ELAVL2: variants seen among roughly 807,000 people sequenced by gnomAD.
ELAVL2 encodes the protein ELAV like RNA binding protein 2.
A neutral mutation model predicts 34.6 loss-of-function variants in ELAVL2; 4 were observed. The observed-to-expected ratio is 0.12, with a 90% CI of 0.06 to 0.26. The LOEUF (loss-of-function observed/expected upper bound fraction) is 0.26, where lower values mean the gene tolerates loss of function less well. Ranked by LOEUF, ELAVL2 falls within the 10% of genes least tolerant of loss-of-function variation. ELAVL2 has a pLI of 1.00. For missense variants in ELAVL2, 432 were observed against 442.8 expected, an observed-to-expected ratio of 0.98 and a Z score of 0.22; for synonymous variants, 193 against 154.8, an observed-to-expected ratio of 1.25 and a Z score of -1.83.
At chr9:23,739,172 C>T (rs2135067548) in intron 2 of ELAVL2, among the ~76,000 whole-genome samples, 2 of 152,270 alleles carry the variant, frequency 1.3e-5, no homozygotes, top group South Asian at 4.1e-4. Context: ...ACCAATTCCT[C>T]TACAACCCAC....
At chr9:23,712,964 T>C (rs2041374831) in intron 3 of ELAVL2, among the ~76,000 whole-genome samples, 1 of 152,220 alleles carries the variant, frequency 6.6e-6, no homozygotes. Context: ...ACTTCACAAA[T>C]TAGACCACCT....
intron 3 of ELAVL2, among the ~76,000 whole-genome samples, chr9:23,728,615 G>A (rs781067724): frequency 1.8e-4 from 27 of 152,112 alleles, no homozygotes; most frequent in African/African-American, 2.6e-4. Context: ...TAGATTAGAC[G>A]AGGGAAAAAG....
intron 1 of ELAVL2, among the ~76,000 whole-genome samples, chr9:23,811,200 A>T (rs180984262): frequency 5.0e-4 from 76 of 152,160 alleles, no homozygotes; most frequent in East Asian, 4.8e-3. Context: ...TTGGGAAAAA[A>T]TTTTTTCAAA....
intron 3 of ELAVL2, among the ~76,000 whole-genome samples, chr9:23,711,469 C>A (rs1221343759): frequency 6.6e-6 from 1 of 152,144 alleles, no homozygotes; most frequent in East Asian, 1.9e-4. Flanking sequence ...ATGGTCAGAG[C>A]ACTGGCTACC....
At chr9:23,747,103 G>T (rs1391189122) in intron 2 of ELAVL2, among the ~76,000 whole-genome samples, 1 of 151,566 alleles carries the variant, frequency 6.6e-6, no homozygotes, top group East Asian at 1.9e-4. Flanking sequence ...GGGGTTACAA[G>T]ACCCTCAGTG....
chr9:23,819,645 A>G (rs778047283), intron 1 of ELAVL2, among the ~76,000 whole-genome samples: 23 of 152,210 alleles, frequency 1.5e-4, no homozygotes, highest in Non-Finnish European at 2.6e-4. Flanking sequence ...TTTCAAAGGA[A>G]GAAAAAAACA....
chr9:23,780,996 A>C (rs2058984512), intron 1 of ELAVL2, among the ~76,000 whole-genome samples: 1 of 152,232 alleles, frequency 6.6e-6, no homozygotes, highest in Non-Finnish European at 1.5e-5. Flanking sequence ...GCCTACATAA[A>C]GTCCAAAGAC....
At chr9:23,783,550 C>T (rs1272637270) in intron 1 of ELAVL2, 1 of 960,874 alleles carries the variant, frequency 1.0e-6, no homozygotes, top group Non-Finnish European at 1.2e-6. Context: ...GCTTTAGTCA[C>T]CACTAAAAGG....
chr9:23,692,963 T>A, intron 6 of ELAVL2, 79 bp from the exon 7 acceptor site: 1 of 1,305,448 alleles, frequency 7.7e-7, no homozygotes, highest in Non-Finnish European at 1.0e-6. Context: ...AACGTATACC[T>A]TTTCCATCCC....
chr9:23,752,349 A>T (rs1307992752), intron 2 of ELAVL2, among the ~76,000 whole-genome samples: 1 of 152,202 alleles, frequency 6.6e-6, no homozygotes, highest in Admixed American at 6.5e-5. Flanking sequence ...CCTCCCTAGC[A>T]GGAGGAAGCA....
intron 1 of ELAVL2, among the ~76,000 whole-genome samples, chr9:23,781,097 A>G (rs1231380570): frequency 6.6e-6 from 1 of 152,230 alleles, no homozygotes; most frequent in South Asian, 2.1e-4. Context: ...TATTAAGAAC[A>G]GATTTTTCTC....
chr9:23,750,976 CTT>C (rs1729309982), intron 2 of ELAVL2, among the ~76,000 whole-genome samples: 1 of 152,156 alleles, frequency 6.6e-6, no homozygotes, highest in African/African-American at 2.4e-5. Flanking sequence ...CTCCCTTAAA[CTT>C]TACTTTAAAA....
chr9:23,833,667 A>G, the ELAVL2 span, among the ~76,000 whole-genome samples: 1 of 151,896 alleles, frequency 6.6e-6, no homozygotes, highest in African/African-American at 2.4e-5. Flanking sequence ...TATGGTTTCT[A>G]AAGGCATAGC....
intron 1 of ELAVL2, among the ~76,000 whole-genome samples, chr9:23,813,530 T>C (rs1201934289): frequency 1.3e-5 from 2 of 151,632 alleles, no homozygotes; most frequent in Non-Finnish European, 2.9e-5. Context: ...CATAACATCC[T>C]ATCAGTTTTT....
intron 2 of ELAVL2, among the ~76,000 whole-genome samples, chr9:23,744,337 G>A (rs1433600843): frequency 6.6e-6 from 1 of 152,148 alleles, no homozygotes; most frequent in Admixed American, 6.5e-5. Context: ...AGAAATGAAT[G>A]TTTTACTAAA....
chr9:23,755,701 A>G (rs1042698364), intron 2 of ELAVL2, among the ~76,000 whole-genome samples: 3 of 152,162 alleles, frequency 2.0e-5, no homozygotes, highest in Admixed American at 6.6e-5. Flanking sequence ...CAAAGCATTT[A>G]CCCCTGTGCA....
intron 2 of ELAVL2, among the ~76,000 whole-genome samples, chr9:23,742,113 A>C (rs1161774459): frequency 6.6e-6 from 1 of 152,160 alleles, no homozygotes; most frequent in Admixed American, 6.6e-5. Context: ...ACAACACACC[A>C]ACTCAGCAGC....
chr9:23,708,004 C>T (rs750026501), intron 3 of ELAVL2, among the ~76,000 whole-genome samples: 2 of 151,862 alleles, frequency 1.3e-5, no homozygotes, highest in African/African-American at 4.8e-5. Context: ...ATATTTAATG[C>T]TTATATAAAG....
chr9:23,725,798 C>T (rs1275602076), intron 3 of ELAVL2, among the ~76,000 whole-genome samples: 1 of 152,086 alleles, frequency 6.6e-6, no homozygotes. Context: ...TCATTTTATG[C>T]AATAAACATG....
Sources: gnomAD v4.1 joint callset for allele counts (sites outside exome capture counted in the v4.1 genomes callset) on GRCh38, gnomAD v4.1.1 for gene constraint, MANE v1.5 for transcripts, NCBI Gene and HGNC (gene_info 2026-07-23, HGNC 2026-07-21) for gene names.